The following GLIS3 variants were observed in gnomAD, a reference collection of about 807,000 sequenced individuals.
GLIS3 encodes zinc finger protein GLIS3.
In GLIS3, 53 loss-of-function variants were observed where a neutral mutation model predicts 78.6. The observed-to-expected ratio is 0.67, with a 90% CI of 0.54 to 0.85. The LOEUF is 0.85. Among genes scored for constraint, GLIS3 ranks in the 40% least tolerant of loss-of-function variants. The probability of loss-of-function intolerance (pLI) is 0.00; values close to 1 mark genes in which losing one functional copy is unlikely to be tolerated. For missense variants in GLIS3, 1,703 were observed against 1,231.1 expected, an observed-to-expected ratio of 1.38 and a Z score of -5.74; for synonymous variants, 684 against 509.9, an observed-to-expected ratio of 1.34 and a Z score of -4.60.
intron 4 of GLIS3, among the ~76,000 whole-genome samples, chr9:3,962,294 C>A (rs1412243525): frequency 6.6e-6 from 1 of 151,246 alleles, no homozygotes. Context: ...AAAGATGCAA[C>A]CCTAAATAGA....
the GLIS3 span, among the ~76,000 whole-genome samples, chr9:4,408,079 C>G: frequency 3.4e-3 from 517 of 152,102 alleles, 4 homozygotes; most frequent in African/African-American, 0.012. Flanking sequence ...TCGTATGACC[C>G]CAGTTAAAAT....
the GLIS3 span, among the ~76,000 whole-genome samples, chr9:4,367,803 A>G: frequency 6.6e-6 from 1 of 152,208 alleles, no homozygotes; most frequent in Non-Finnish European, 1.5e-5. Flanking sequence ...GACATTTATT[A>G]TATGCCAAAT....
intron 4 of GLIS3, among the ~76,000 whole-genome samples, chr9:3,999,213 C>T (rs1820959352): frequency 6.6e-6 from 1 of 152,132 alleles, no homozygotes; most frequent in Non-Finnish European, 1.5e-5. Flanking sequence ...CAATATGTTG[C>T]TGTTACAAAG....
chr9:3,849,359 T>C (rs1819271715), intron 9 of GLIS3, among the ~76,000 whole-genome samples: 1 of 152,234 alleles, frequency 6.6e-6, no homozygotes, highest in African/African-American at 2.4e-5. Flanking sequence ...TTGTTAAGTA[T>C]GGCAATGCGC....
chr9:4,203,658 T>G (rs960520143), intron 2 of GLIS3, among the ~76,000 whole-genome samples: 2 of 152,218 alleles, frequency 1.3e-5, no homozygotes, highest in Non-Finnish European at 2.9e-5. Context: ...TGCACTCGTG[T>G]GTTCACTGCA....
At chr9:4,488,102 C>CTGTT in the GLIS3 span, among the ~76,000 whole-genome samples, 68 of 79,588 alleles carry the variant, frequency 8.5e-4, no homozygotes, top group African/African-American at 2.6e-3. Flanking sequence ...TTTATTTCGT[C>CTGTT]TGTTTGTTGG....
At chr9:4,487,996 G>C in the GLIS3 span, among the ~76,000 whole-genome samples, 4 of 152,234 alleles carry the variant, frequency 2.6e-5, no homozygotes, top group Admixed American at 1.3e-4. Flanking sequence ...CCAGCTCTAT[G>C]GTAGACACTT....
the GLIS3 span, among the ~76,000 whole-genome samples, chr9:4,461,892 T>C: frequency 2.0e-5 from 3 of 152,228 alleles, no homozygotes; most frequent in African/African-American, 7.2e-5. Flanking sequence ...CCTTTGTTAC[T>C]GCAGCAAAAC....
chr9:4,403,238 A>G, the GLIS3 span, among the ~76,000 whole-genome samples: 1 of 152,220 alleles, frequency 6.6e-6, no homozygotes, highest in Non-Finnish European at 1.5e-5. Context: ...GTAAGGAGAA[A>G]TAAGACCTTT....
chr9:3,847,133 G>A (rs895823931), intron 9 of GLIS3, among the ~76,000 whole-genome samples: 4 of 152,280 alleles, frequency 2.6e-5, no homozygotes, highest in African/African-American at 7.2e-5. Context: ...GCAGTGAGCC[G>A]AGATCGCGCC....
chr9:4,023,406 G>T (rs2130173721), intron 4 of GLIS3, among the ~76,000 whole-genome samples: 1 of 152,226 alleles, frequency 6.6e-6, no homozygotes, highest in East Asian at 1.9e-4. Flanking sequence ...TCTAGAGTGA[G>T]CCTGCTAGCT....
chr9:3,884,407 T>A (rs1265683026), intron 7 of GLIS3, among the ~76,000 whole-genome samples: 1 of 152,174 alleles, frequency 6.6e-6, no homozygotes, highest in East Asian at 1.9e-4. Context: ...CTAAGGTATA[T>A]TAAAAACAGC....
chr9:4,374,294 T>A, the GLIS3 span, among the ~76,000 whole-genome samples: 2 of 152,212 alleles, frequency 1.3e-5, no homozygotes, highest in African/African-American at 4.8e-5. Flanking sequence ...AAATCCTCTA[T>A]ATCTTACTCC....
At chr9:4,332,549 C>G (rs1038724381) in intron 2 of GLIS3, among the ~76,000 whole-genome samples, 8 of 152,230 alleles carry the variant, frequency 5.3e-5, no homozygotes, top group African/African-American at 1.9e-4. Flanking sequence ...TAGCCTTGCA[C>G]CCAGATGGAA....
chr9:4,059,733 A>G lies in GLIS3; in HGVS notation c.1710+58035T>C, dbSNP rs535529388. ...ATGATAGATTCCTCCTCTTGCCAGC[A>G]CTTTGCCAGGGATGAAAGCAGGCCT... On this transcript the variant is annotated intron_variant, in intron 4 of 10. Transcript: ENST00000381971. Among the ~76,000 whole-genome samples the G allele has an allele frequency of 6.3e-4, 95 of 151,556 alleles. 1 individual carries two copies. The highest frequency in any genetic ancestry group is 2.3e-3 in the African/African-American group (93 of 41,226).
intron 9 of GLIS3, among the ~76,000 whole-genome samples, chr9:3,830,005 G>A (rs1485515027): frequency 1.3e-5 from 2 of 152,068 alleles, no homozygotes; most frequent in South Asian, 4.1e-4. Flanking sequence ...TCCTGGCTAG[G>A]TAGACAGTGT....
chr9:3,833,380 C>T (rs1212583808), intron 9 of GLIS3, among the ~76,000 whole-genome samples: 2 of 152,152 alleles, frequency 1.3e-5, no homozygotes, highest in Non-Finnish European at 2.9e-5. Context: ...AGGGTCTTGC[C>T]ACACACACAA....
chr9:4,182,836 G>A (rs1817451331), intron 2 of GLIS3, among the ~76,000 whole-genome samples: 1 of 152,208 alleles, frequency 6.6e-6, no homozygotes, highest in Admixed American at 6.5e-5. Flanking sequence ...CCTACCATGA[G>A]TAAAAGCATC....
the GLIS3 span, among the ~76,000 whole-genome samples, chr9:4,419,517 C>T: frequency 0.014 from 2,074 of 152,162 alleles, 54 homozygotes; most frequent in African/African-American, 0.047. Flanking sequence ...TGGCCAGGTG[C>T]GGTGGCTCAT....
Sources: allele counts gnomAD v4.1 joint callset (sites outside exome capture counted in the v4.1 genomes callset), GRCh38; gene constraint gnomAD v4.1.1; transcripts MANE v1.5; gene names NCBI Gene and HGNC (gene_info 2026-07-23, HGNC 2026-07-21).